The following TMTC1 variants were observed in gnomAD, a reference collection of about 807,000 sequenced individuals.
TMTC1 encodes the protein protein O-mannosyl-transferase TMTC1.
In TMTC1, 73 loss-of-function variants were observed where a neutral mutation model predicts 104.8. That is an observed-to-expected ratio of 0.70 (90% CI 0.58 to 0.85). TMTC1 has a LOEUF of 0.85. Ranked by LOEUF, TMTC1 falls within the 40% of genes least tolerant of loss-of-function variation. TMTC1 has a pLI of 0.00. For missense variants in TMTC1, 1,035 were observed against 1,096.1 expected (o/e 0.94, Z 0.79); for synonymous variants, 434 against 428.7 (o/e 1.01, Z -0.15).
intron 5 of TMTC1, among the ~76,000 whole-genome samples, chr12:29,649,254 C>T (rs75287873): frequency 0.015 from 2,337 of 152,206 alleles, 55 homozygotes; most frequent in African/African-American, 0.054. Context: ...AGAAATTCCA[C>T]GTGGGATAGG....
chr12:29,675,187 A>G (rs772417359), intron 5 of TMTC1, among the ~76,000 whole-genome samples: 4 of 152,164 alleles, frequency 2.6e-5, no homozygotes, highest in Non-Finnish European at 5.9e-5. Flanking sequence ...TCCTAACCAT[A>G]CAAGTCTTAA....
intron 10 of TMTC1, among the ~76,000 whole-genome samples, chr12:29,554,395 T>C (rs1945184364): frequency 6.6e-6 from 1 of 152,112 alleles, no homozygotes. Context: ...TTAATATCAC[T>C]GTTAGTAGGG....
At chr12:29,574,300 G>C (rs1309256212) in intron 8 of TMTC1, among the ~76,000 whole-genome samples, 1 of 151,912 alleles carries the variant, frequency 6.6e-6, no homozygotes, top group African/African-American at 2.4e-5. Context: ...CTATAGACTG[G>C]CCTCCCTACC....
At chr12:29,633,871 T>A (rs1591833596) in intron 5 of TMTC1, among the ~76,000 whole-genome samples, 1 of 152,050 alleles carries the variant, frequency 6.6e-6, no homozygotes, top group Non-Finnish European at 1.5e-5. Context: ...ATGGAGGAGG[T>A]GTTATGCCTG....
At chr12:29,606,508 T>C (rs937526618) in intron 6 of TMTC1, among the ~76,000 whole-genome samples, 3 of 152,250 alleles carry the variant, frequency 2.0e-5, no homozygotes, top group African/African-American at 7.2e-5. Flanking sequence ...TCCCTTTTTA[T>C]AGGTGCACTT....
chr12:29,651,267 A>G (rs1939506270), intron 5 of TMTC1, among the ~76,000 whole-genome samples: 1 of 152,228 alleles, frequency 6.6e-6, no homozygotes, highest in Admixed American at 6.5e-5. Context: ...TTAGAGATAT[A>G]GTATGCTGAA....
chr12:29,624,948 A>C (rs10843449), intron 6 of TMTC1, among the ~76,000 whole-genome samples: 39,878 of 152,058 alleles, frequency 0.26, 5,516 homozygotes, highest in East Asian at 0.56. Context: ...AAAATGAAAG[A>C]TCTTTCCATG....
Position 29,585,559 on chromosome 12 carries a change from T to G in TMTC1, c.1251-1985A>C, listed in dbSNP as rs569064957. ...GTATTGCCTAGGTTTTCTTCTAGGGTTTTTATAGTTTTAGGTCTAACATGT... is the reference window on the plus strand; with the variant it reads ...GTATTGCCTAGGTTTTCTTCTAGGGGTTTTATAGTTTTAGGTCTAACATGT... On this transcript the variant is annotated intron_variant, in intron 7 of 17. Coordinates refer to ENST00000539277, the MANE Select transcript of TMTC1 (RefSeq NM_001193451.2). 3.5e-4 allele frequency among the ~76,000 whole-genome samples: 53 copies of G among 152,274 alleles called. No homozygotes were observed. In the East Asian group the frequency reaches 0.01, roughly 29 times the overall value.
At chr12:29,653,726 A>T (rs1305349650) in intron 5 of TMTC1, among the ~76,000 whole-genome samples, 24 of 152,198 alleles carry the variant, frequency 1.6e-4, no homozygotes, top group Admixed American at 1.6e-3. Context: ...GAAAGTTAAA[A>T]GATTAAGGGC....
At position 29,599,913 on chromosome 12, in the gene TMTC1, T is replaced by C. The variant is rs566790343; in HGVS notation, c.1250+4265A>G. On this transcript the variant is annotated intron_variant, in intron 7 of 17. Transcript: ENST00000539277. ...ATGTGTATATATACATGTGTATATA[T>C]ATGTGTATATATATGTGTATATATA... Among the ~76,000 whole-genome samples, 10 of 143,746 alleles carry C rather than the reference T, an allele frequency of 7.0e-5. No individual in the cohort carries two copies. In the East Asian group the frequency reaches 1.6e-3, roughly 22 times the overall value. The allele number at this position is 143,746 out of a possible 152,430, so 94.3% of individuals were successfully genotyped here.
intron 6 of TMTC1, among the ~76,000 whole-genome samples, chr12:29,606,420 A>C (rs1309557974): frequency 7.1e-6 from 1 of 141,442 alleles, no homozygotes; most frequent in Non-Finnish European, 1.6e-5. Flanking sequence ...TACAATTGAA[A>C]ACAGACCCCA....
chr12:29,678,133 G>A (rs1269999111), intron 5 of TMTC1, among the ~76,000 whole-genome samples: 1 of 152,136 alleles, frequency 6.6e-6, no homozygotes, highest in Non-Finnish European at 1.5e-5. Context: ...TCATCTGTTG[G>A]TGATACATAC....
rs992101975 is a variant in TMTC1 at position 29,702,437 on chromosome 12, A to G, written c.938+49229T>C. Among the ~76,000 whole-genome samples, 3 of 152,300 alleles carry G rather than the reference A, an allele frequency of 2.0e-5. No homozygotes were observed. The East Asian group carries it at 5.8e-4, about 29-fold the overall frequency. On this transcript the variant is annotated intron_variant, in intron 5 of 17. Transcript: ENST00000539277. ...TTGAGGTGGTTGGACTTGGGCCTCC[A>G]TTCCTTGCCAGCTGTTCACCGGAGG...
intron 11 of TMTC1, among the ~76,000 whole-genome samples, chr12:29,528,765 C>T (rs1944417244): frequency 6.6e-6 from 1 of 151,984 alleles, no homozygotes; most frequent in South Asian, 2.1e-4. Context: ...CTGAGAATTC[C>T]AAAGAACTTT....
chr12:29,613,925 A>C (rs1946911546), intron 6 of TMTC1: 1 of 980,974 alleles, frequency 1.0e-6, no homozygotes, highest in African/African-American at 1.7e-5. Flanking sequence ...TGCATGATTC[A>C]TCTATCCACT....
At chr12:29,565,757 G>A (rs1160656278) in intron 9 of TMTC1, among the ~76,000 whole-genome samples, 2 of 152,166 alleles carry the variant, frequency 1.3e-5, no homozygotes, top group African/African-American at 4.8e-5. Flanking sequence ...TGAGGCAAGA[G>A]AATCTCTTGT....
At chr12:29,521,188 C>G (rs1944145061) in intron 11 of TMTC1, 1 of 168,822 alleles carries the variant, frequency 5.9e-6, no homozygotes, top group Non-Finnish European at 1.3e-5. Context: ...AGATGACTCT[C>G]TTTTTATCTA....
intron 10 of TMTC1, among the ~76,000 whole-genome samples, chr12:29,552,707 A>G (rs1212933186): frequency 3.3e-5 from 5 of 152,248 alleles, no homozygotes; most frequent in African/African-American, 7.2e-5. Flanking sequence ...GGGATTATCA[A>G]ATATAAACTG....
chr12:29,647,640 C>T (rs897420414), intron 5 of TMTC1, among the ~76,000 whole-genome samples: 8 of 152,172 alleles, frequency 5.3e-5, no homozygotes, highest in Non-Finnish European at 1.5e-5. Flanking sequence ...CTAGTTTCAT[C>T]TTGCTATTTC....
Sources: allele counts gnomAD v4.1 joint callset (sites outside exome capture counted in the v4.1 genomes callset), GRCh38; gene constraint gnomAD v4.1.1; transcripts MANE v1.5; gene names NCBI Gene and HGNC (gene_info 2026-07-23, HGNC 2026-07-21).